Variants in ZFPM2 observed in about 807,000 individuals in gnomAD.
The protein encoded by ZFPM2 is zinc finger protein, FOG family member 2, also known as zinc finger protein ZFPM2.
A neutral mutation model predicts 98.6 loss-of-function variants in ZFPM2; 20 were observed. The observed-to-expected ratio is 0.20, with a 90% confidence interval of 0.14 to 0.29. The LOEUF (loss-of-function observed/expected upper bound fraction) is 0.29. ZFPM2 is among the 10% of genes least tolerant of loss of function. The probability of loss-of-function intolerance (pLI) is 1.00; values close to 1 mark genes in which losing one functional copy is unlikely to be tolerated. For missense variants in ZFPM2, 1,310 were observed against 1,388.6 expected (o/e 0.94, Z 0.90); for synonymous variants, 518 against 502.7 (o/e 1.03, Z -0.41).
At chr8:105,477,563 G>A (rs1266704691) in intron 3 of ZFPM2, among the ~76,000 whole-genome samples, 1 of 151,946 alleles carries the variant, frequency 6.6e-6, no homozygotes, top group Non-Finnish European at 1.5e-5. Flanking sequence ...CATATGGGCA[G>A]GTATTTTAAA....
chr8:105,775,539 G>T (rs768518005), intron 5 of ZFPM2, among the ~76,000 whole-genome samples: 36 of 152,084 alleles, frequency 2.4e-4, no homozygotes, highest in Non-Finnish European at 5.1e-4. Context: ...TACAGTTAGG[G>T]GCTCAGCTGG....
At chr8:105,373,429 GT>G (rs1045012041) in intron 1 of ZFPM2, among the ~76,000 whole-genome samples, 2 of 151,832 alleles carry the variant, frequency 1.3e-5, no homozygotes, top group Non-Finnish European at 2.9e-5. Context: ...GAGTAAGATC[GT>G]TTTTTTCTCC....
At chr8:105,635,284 C>A (rs1355345827) in intron 5 of ZFPM2, among the ~76,000 whole-genome samples, 2 of 152,062 alleles carry the variant, frequency 1.3e-5, no homozygotes, top group Non-Finnish European at 2.9e-5. Flanking sequence ...AGCACCCCAT[C>A]AATATATTAA....
intron 3 of ZFPM2, among the ~76,000 whole-genome samples, chr8:105,468,285 C>G (rs1405944016): frequency 6.6e-6 from 1 of 152,074 alleles, no homozygotes; most frequent in Non-Finnish European, 1.5e-5. Flanking sequence ...GTTCCTCCTT[C>G]TCTGCTCCCA....
At chr8:105,741,568 A>G (rs1423560095) in intron 5 of ZFPM2, among the ~76,000 whole-genome samples, 3 of 152,102 alleles carry the variant, frequency 2.0e-5, no homozygotes, top group Non-Finnish European at 2.9e-5. Context: ...GGCAGAGTAG[A>G]TGGACACAGG....
intron 3 of ZFPM2, among the ~76,000 whole-genome samples, chr8:105,545,156 A>T (rs568923641): frequency 6.6e-6 from 1 of 152,238 alleles, no homozygotes; most frequent in East Asian, 1.9e-4. Flanking sequence ...TTTGATAGAG[A>T]TATTTGTAAG....
intron 3 of ZFPM2, among the ~76,000 whole-genome samples, chr8:105,504,891 A>T (rs1386243272): frequency 6.6e-6 from 1 of 152,128 alleles, no homozygotes; most frequent in African/African-American, 2.4e-5. Context: ...TGGGAATAGT[A>T]TTTTCTTGTT....
intron 1 of ZFPM2, among the ~76,000 whole-genome samples, chr8:105,386,327 C>A (rs1810989408): frequency 1.3e-5 from 2 of 152,080 alleles, no homozygotes; most frequent in African/African-American, 4.8e-5. Flanking sequence ...TTCTTTTAAG[C>A]ATCAGAATTA....
chr8:105,791,367 G>T (rs200822519), intron 6 of ZFPM2, among the ~76,000 whole-genome samples: 1 of 151,998 alleles, frequency 6.6e-6, no homozygotes, highest in Non-Finnish European at 1.5e-5. Flanking sequence ...TTTGTCTTTG[G>T]TTCTGTTTAT....
chr8:105,615,634 A>AT lies in ZFPM2; in HGVS notation c.421-18608dup, dbSNP rs1816398105. ...TTTAACATCAAGAAAGCAAGCAAAG[A>AT]TTTTAAAAGGCTGAGAAACACTGGA... On this transcript the variant is annotated intron_variant, in intron 4 of 7. Coordinates refer to ENST00000407775, the MANE Select transcript of ZFPM2 (RefSeq NM_012082.4). Among the ~76,000 whole-genome samples, 3 of 152,128 alleles carry AT rather than the reference A, an allele frequency of 2.0e-5. No individual in the cohort carries two copies. The South Asian group carries it at 6.2e-4, about 32-fold the overall frequency.
intron 2 of ZFPM2, among the ~76,000 whole-genome samples, chr8:105,423,078 T>G (rs1811837151): frequency 1.3e-5 from 2 of 152,158 alleles, no homozygotes; most frequent in Non-Finnish European, 2.9e-5. Context: ...CAAAGTTGCA[T>G]TTACTAATAT....
At chr8:105,647,630 C>G (rs1586172178) in intron 5 of ZFPM2, among the ~76,000 whole-genome samples, 2 of 149,780 alleles carry the variant, frequency 1.3e-5, no homozygotes, top group Admixed American at 1.4e-4. Context: ...ATGTGGTGTT[C>G]AGTTTTTTGT....
At chr8:105,527,138 C>G (rs189932287) in intron 3 of ZFPM2, among the ~76,000 whole-genome samples, 2 of 152,282 alleles carry the variant, frequency 1.3e-5, no homozygotes, top group South Asian at 2.1e-4. Context: ...CTCCCTGAGT[C>G]TGGTTCAGAC....
At chr8:105,456,834 G>T (rs1455443784) in intron 3 of ZFPM2, among the ~76,000 whole-genome samples, 2 of 151,972 alleles carry the variant, frequency 1.3e-5, no homozygotes, top group Non-Finnish European at 2.9e-5. Context: ...CACCATGCCT[G>T]GCTACTTTTT....
intron 2 of ZFPM2, among the ~76,000 whole-genome samples, chr8:105,440,765 A>C: frequency 6.6e-6 from 1 of 152,134 alleles, no homozygotes; most frequent in East Asian, 1.9e-4. Flanking sequence ...ACCATCAAGA[A>C]GGAAGGGAAT....
intron 4 of ZFPM2, among the ~76,000 whole-genome samples, chr8:105,603,624 G>A (rs553858937): frequency 6.6e-5 from 10 of 152,144 alleles, no homozygotes; most frequent in East Asian, 3.9e-4. Flanking sequence ...CTTTGAAAAC[G>A]TGGAAATTAT....
chr8:105,474,296 G>A (rs1034522537), intron 3 of ZFPM2, among the ~76,000 whole-genome samples: 6 of 152,138 alleles, frequency 3.9e-5, no homozygotes, highest in East Asian at 1.9e-4. Flanking sequence ...AAGTTATTAC[G>A]TTAGTCTTCA....
rs371355640 is a variant in ZFPM2, at chr8:105,355,745, G to A, written c.40+36764G>A. 3.9e-5 allele frequency among the ~76,000 whole-genome samples: 6 copies of A among 152,070 alleles called. No individual in the cohort carries two copies. The East Asian group carries it at 9.6e-4, about 24-fold the overall frequency. ...GTATATGTAGGGAATATGTCCAAAG[G>A]CATTTTGACCAACATAGTTTAGGTG... On this transcript the variant is annotated intron_variant, in intron 1 of 7. Coordinates refer to ENST00000407775, the MANE Select transcript of ZFPM2 (RefSeq NM_012082.4).
At chr8:105,405,549 A>T (rs1370227913) in intron 1 of ZFPM2, among the ~76,000 whole-genome samples, 1 of 150,656 alleles carries the variant, frequency 6.6e-6, no homozygotes, top group Non-Finnish European at 1.5e-5. Context: ...TTGTCCTTGC[A>T]ATAGTTTGCT....
Sources: allele counts gnomAD v4.1 joint callset (sites outside exome capture counted in the v4.1 genomes callset), GRCh38; gene constraint gnomAD v4.1.1; transcripts MANE v1.5; gene names NCBI Gene and HGNC (gene_info 2026-07-23, HGNC 2026-07-21).